Variants in LAMA2 observed in about 807,000 individuals in gnomAD.
LAMA2 encodes the protein laminin subunit alpha-2.
LAMA2 carries 269 observed loss-of-function variants against 364.8 expected under a neutral mutation model. The ratio of observed to expected loss-of-function variants is 0.74; its 90% confidence interval spans 0.67 to 0.82. The LOEUF (loss-of-function observed/expected upper bound fraction) is 0.82, where lower values mean the gene tolerates loss of function less well. LAMA2 is among the 40% of genes least tolerant of loss of function. LAMA2 has a pLI of 0.00. For missense variants in LAMA2, 3,807 were observed against 3,873.2 expected, an observed-to-expected ratio of 0.98 and a Z score of 0.45; for synonymous variants, 1,379 against 1,370.6, an observed-to-expected ratio of 1.01 and a Z score of -0.14.
rs1774603048 is a variant in LAMA2 at position 129,316,289 on chromosome 6, G to A, written c.4058+118G>A. On this transcript the variant is annotated intron_variant, in intron 27 of 64. Coordinates refer to ENST00000421865, the MANE Select transcript of LAMA2 (RefSeq NM_000426.4). ...TGATTGGTTTTGCAGTATAATGATA[G>A]AAGATAAACCATGGAGGCTTCCCTG... is the stretch of plus-strand genomic sequence containing the variant. 12 of 828,238 alleles carry A rather than the reference G, an allele frequency of 1.4e-5. No homozygotes were observed. In the South Asian group the frequency reaches 1.9e-4, roughly 13 times the overall value. The allele number at this position is 828,238 out of a possible 1,614,324, so 51.3% of individuals were successfully genotyped here.
At chr6:129,424,820 A>T (rs1781247401) in intron 40 of LAMA2, among the ~76,000 whole-genome samples, 1 of 152,032 alleles carries the variant, frequency 6.6e-6, no homozygotes, top group South Asian at 2.1e-4. Flanking sequence ...ACGTAAACAT[A>T]AATTACCATA....
intron 1 of LAMA2, among the ~76,000 whole-genome samples, chr6:129,019,799 G>C (rs1014900472): frequency 8.5e-5 from 13 of 152,114 alleles, no homozygotes; most frequent in Non-Finnish European, 1.6e-4. Flanking sequence ...TAAGAGCTCT[G>C]TAGCAGGGCG....
rs539311463 is a variant in LAMA2, at chr6:129,213,186, T to C, written c.1782+20333T>C. 1.2e-4 allele frequency among the ~76,000 whole-genome samples: 18 copies of C among 152,342 alleles called. No individual in the cohort carries two copies. In the South Asian group the frequency reaches 2.9e-3, roughly 25 times the overall value. Reference sequence around the variant, plus strand: ...GCAATATGCCTGTAAGGTTCCGCCATGTCTTTTCTTGCCTTGATAATTCAT... The same window carrying C: ...GCAATATGCCTGTAAGGTTCCGCCACGTCTTTTCTTGCCTTGATAATTCAT... On this transcript the variant is annotated intron_variant, in intron 12 of 64. Coordinates refer to ENST00000421865, the MANE Select transcript of LAMA2 (RefSeq NM_000426.4).
chr6:129,463,403 G>A (rs62421032), intron 49 of LAMA2, among the ~76,000 whole-genome samples: 21,068 of 151,824 alleles, frequency 0.14, 1,563 homozygotes, highest in East Asian at 0.21. Flanking sequence ...GACTTACCTT[G>A]TTTCTCCTAG....
intron 9 of LAMA2, among the ~76,000 whole-genome samples, chr6:129,177,155 C>T (rs1356035383): frequency 6.6e-6 from 1 of 152,270 alleles, no homozygotes; most frequent in African/African-American, 2.4e-5. Context: ...TTTCATTCCC[C>T]TCATCTATTG....
chr6:128,883,313 A>T lies in LAMA2; in HGVS notation c.68A>T (p.Gln23Leu). The T allele has an allele frequency of 6.3e-7, 1 of 1,596,462 alleles. No homozygotes were observed. Among genetic ancestry groups the T allele is most frequent in the East Asian group, 2.3e-5 (1 of 44,196 alleles). The change falls in exon 1 of 65, where the codon CAG (glutamine) becomes CTG (leucine). Residue 23 changes from glutamine (Q) to leucine (L), a missense_variant. Gln to Leu is a moderately radical substitution (Grantham distance 113). Transcript: ENST00000421865. ...LSGGLGGVQA[Q>L]RPQQQRQSQA... is the part of the protein sequence containing the mutation. ...GGAGGCCTCGGGGGCGTACAGGCGC[A>T]GCGGCCGCAGCAGCAGCGGCAGTCA...
At position 129,143,891 on chromosome 6, in the gene LAMA2, T is replaced by C. The variant is rs1439310940; in HGVS notation, c.640-10T>C. On this transcript the variant is annotated splice_polypyrimidine_tract_variant and intron_variant, in intron 4 of 64. Transcript: ENST00000421865. ...AACATAATTGTTAAATTATTTTTCA[T>C]ATTGTGTAGATTCACATCTCTTTAA... 1.3e-6 allele frequency: 2 copies of C among 1,560,646 alleles called. No individual in the cohort carries two copies. The highest frequency in any genetic ancestry group is 1.8e-6 in the Non-Finnish European group (2 of 1,133,694).
At chr6:129,106,929 A>G (rs1332560496) in intron 4 of LAMA2, among the ~76,000 whole-genome samples, 1 of 151,600 alleles carries the variant, frequency 6.6e-6, no homozygotes, top group Non-Finnish European at 1.5e-5. Flanking sequence ...TGTTAAATTA[A>G]TGCAGTATTG....
intron 15 of LAMA2, among the ~76,000 whole-genome samples, chr6:129,264,398 G>A (rs1466850774): frequency 3.3e-5 from 5 of 151,268 alleles, no homozygotes; most frequent in Non-Finnish European, 7.4e-5. Flanking sequence ...GGGGGTGGGG[G>A]CATGGAATCC....
At chr6:128,911,539 G>A (rs974244150) in intron 1 of LAMA2, among the ~76,000 whole-genome samples, 5 of 152,114 alleles carry the variant, frequency 3.3e-5, no homozygotes, top group South Asian at 2.1e-4. Flanking sequence ...CCACTGTCTG[G>A]CATTCCTTAG....
At chr6:129,363,046 C>T (rs141875478) in intron 32 of LAMA2, among the ~76,000 whole-genome samples, 198 of 152,276 alleles carry the variant, frequency 1.3e-3, no homozygotes, top group African/African-American at 4.3e-3. Context: ...CAGTGGTTCA[C>T]GCCTATGATC....
At chr6:129,027,046 C>T (rs1205947144) in intron 1 of LAMA2, among the ~76,000 whole-genome samples, 1 of 151,962 alleles carries the variant, frequency 6.6e-6, no homozygotes, top group Non-Finnish European at 1.5e-5. Flanking sequence ...AAAAGCAATA[C>T]CTATCTTTGG....
intron 45 of LAMA2, among the ~76,000 whole-genome samples, chr6:129,451,523 A>G (rs980002493): frequency 6.6e-6 from 1 of 152,176 alleles, no homozygotes; most frequent in Non-Finnish European, 1.5e-5. Context: ...GGTGGAGGAA[A>G]CAGCCCCTGT....
chr6:129,144,955 C>G (rs1778341618), intron 5 of LAMA2, among the ~76,000 whole-genome samples: 1 of 151,896 alleles, frequency 6.6e-6, no homozygotes, highest in African/African-American at 2.4e-5. Flanking sequence ...CTACCATATT[C>G]ACTGGTTTAT....
At position 129,437,141 on chromosome 6, in the gene LAMA2, C is replaced by A. The variant is rs139238943; in HGVS notation, c.5969-1505C>A. On this transcript the variant is annotated intron_variant, in intron 41 of 64. Coordinates refer to ENST00000421865, the MANE Select transcript of LAMA2 (RefSeq NM_000426.4). ...TCTACTAATCCCTAGTTTTGACTAT[C>A]AATCCTTGGTAGAATGCAGTAGTTA... Among the ~76,000 whole-genome samples the A allele has an allele frequency of 2.7e-3, 418 of 152,174 alleles. 2 individuals carry two copies. The highest frequency in any genetic ancestry group is 8.3e-3 in the African/African-American group (344 of 41,554).
intron 3 of LAMA2, among the ~76,000 whole-genome samples, chr6:129,088,514 C>T (rs1774549844): frequency 2.0e-5 from 3 of 150,094 alleles, no homozygotes; most frequent in African/African-American, 7.4e-5. Context: ...GGGTGGCTGG[C>T]CAGGCGGGGG....
chr6:129,280,480 C>T (rs904031199), intron 18 of LAMA2, among the ~76,000 whole-genome samples: 4 of 151,986 alleles, frequency 2.6e-5, no homozygotes, highest in Non-Finnish European at 4.4e-5. Context: ...TCTGTGTAGG[C>T]ACCATTTATT....
chr6:129,339,565 G>A (rs150333524), intron 29 of LAMA2, among the ~76,000 whole-genome samples: 143 of 152,258 alleles, frequency 9.4e-4, no homozygotes, highest in African/African-American at 3.1e-3. Context: ...AATCACCAAG[G>A]TAAATGTGGA....
chr6:129,450,095 C>T (rs1266611218), intron 45 of LAMA2, among the ~76,000 whole-genome samples: 4 of 151,850 alleles, frequency 2.6e-5, no homozygotes, highest in East Asian at 1.9e-4. Context: ...TGAGCCACTG[C>T]ACCCGGCTCT....
Sources: gnomAD v4.1 joint callset for allele counts (sites outside exome capture counted in the v4.1 genomes callset) on GRCh38, gnomAD v4.1.1 for gene constraint, MANE v1.5 for transcripts, NCBI Gene and HGNC (gene_info 2026-07-23, HGNC 2026-07-21) for gene names.